CTNNA3: variants seen among roughly 807,000 people sequenced by gnomAD.
CTNNA3 encodes catenin alpha 3, also known as catenin alpha-3.
A neutral mutation model predicts 95.7 loss-of-function variants in CTNNA3; 76 were observed. The observed-to-expected ratio is 0.79, with a 90% CI of 0.66 to 0.96. The LOEUF is 0.96. Among genes scored for constraint, CTNNA3 ranks in the 40% least tolerant of loss-of-function variants. The pLI is 0.00. For synonymous variants in CTNNA3, 431 were observed against 374.4 expected (o/e 1.15, Z -1.74); for missense variants, 1,191 against 1,089.8 (o/e 1.09, Z -1.31).
intron 13 of CTNNA3, among the ~76,000 whole-genome samples, chr10:66,244,501 G>C (rs1273536706): frequency 6.6e-6 from 1 of 152,174 alleles, no homozygotes; most frequent in Non-Finnish European, 1.5e-5. Context: ...TGTGGCCACA[G>C]TGGGGCCCTG....
At chr10:66,532,039 A>T (rs1841483292) in intron 10 of CTNNA3, among the ~76,000 whole-genome samples, 1 of 152,188 alleles carries the variant, frequency 6.6e-6, no homozygotes, top group South Asian at 2.1e-4. Flanking sequence ...AAGGACTTTT[A>T]TGTCAGAAAC....
chr10:66,990,952 T>C (rs985055183), intron 7 of CTNNA3, among the ~76,000 whole-genome samples: 2 of 152,174 alleles, frequency 1.3e-5, no homozygotes, highest in Admixed American at 1.3e-4. Flanking sequence ...CCTATGAACA[T>C]TTAACAGTTT....
intron 12 of CTNNA3, among the ~76,000 whole-genome samples, chr10:66,311,855 T>C (rs4509652): frequency 0.65 from 99,237 of 151,956 alleles, 32,525 homozygotes; most frequent in East Asian, 0.76. Flanking sequence ...TAACTTCTCC[T>C]ATCTCCTGAC....
chr10:66,398,756 T>A (rs1281710102), intron 11 of CTNNA3, among the ~76,000 whole-genome samples: 3 of 151,964 alleles, frequency 2.0e-5, no homozygotes, highest in African/African-American at 7.2e-5. Flanking sequence ...AGATATGAAA[T>A]TTCTTTTAAA....
intron 10 of CTNNA3, among the ~76,000 whole-genome samples, chr10:66,547,013 T>A (rs578117735): frequency 6.6e-6 from 1 of 152,310 alleles, no homozygotes. Flanking sequence ...TTGCTCTCTC[T>A]AGTTGTCCAT....
At chr10:67,443,532 T>C (rs1425987354) in intron 5 of CTNNA3, among the ~76,000 whole-genome samples, 1 of 152,198 alleles carries the variant, frequency 6.6e-6, no homozygotes, top group Non-Finnish European at 1.5e-5. Context: ...TGATTTGCAT[T>C]TCTCTGATGG....
intron 5 of CTNNA3, among the ~76,000 whole-genome samples, chr10:67,277,674 C>T (rs917789580): frequency 5.3e-5 from 8 of 152,088 alleles, no homozygotes; most frequent in Non-Finnish European, 1.2e-4. Context: ...GTAAAGAAGC[C>T]GGCCAAAACC....
chr10:67,699,636 G>A (rs1187382106), upstream of CTNNA3, among the ~76,000 whole-genome samples: 1 of 152,208 alleles, frequency 6.6e-6, no homozygotes, highest in African/African-American at 2.4e-5. Context: ...GAAAAGAGAA[G>A]GTGGAGCCAA....
intron 7 of CTNNA3, among the ~76,000 whole-genome samples, chr10:67,083,505 T>C (rs1040681288): frequency 6.6e-6 from 1 of 152,192 alleles, no homozygotes; most frequent in African/African-American, 2.4e-5. Context: ...ATTTCAACAA[T>C]GTGCTAATTT....
intron 10 of CTNNA3, among the ~76,000 whole-genome samples, chr10:66,608,719 G>C (rs1844221133): frequency 6.6e-6 from 1 of 152,120 alleles, no homozygotes; most frequent in African/African-American, 2.4e-5. Context: ...ATGGTGCTGA[G>C]ATAACTGGCT....
chr10:66,083,687 T>G (rs1318084661), intron 14 of CTNNA3, among the ~76,000 whole-genome samples: 1 of 152,166 alleles, frequency 6.6e-6, no homozygotes, highest in African/African-American at 2.4e-5. Flanking sequence ...CTATGTATTG[T>G]GGAAACCATC....
intron 5 of CTNNA3, among the ~76,000 whole-genome samples, chr10:67,460,836 T>C (rs994120027): frequency 6.6e-6 from 1 of 152,112 alleles, no homozygotes; most frequent in Non-Finnish European, 1.5e-5. Flanking sequence ...ATATATTGTG[T>C]CCAGGTTAGA....
chr10:67,592,894 G>A (rs1842830544), intron 3 of CTNNA3, among the ~76,000 whole-genome samples: 1 of 152,006 alleles, frequency 6.6e-6, no homozygotes, highest in African/African-American at 2.4e-5. Context: ...ACTGGGTTTG[G>A]GGTACAAATT....
intron 13 of CTNNA3, among the ~76,000 whole-genome samples, chr10:66,158,507 G>A (rs1231310955): frequency 2.0e-5 from 3 of 152,010 alleles, no homozygotes; most frequent in African/African-American, 7.2e-5. Context: ...ATTGGCCTAT[G>A]TGCCTATTTT....
Position 65,920,242 on chromosome 10 carries a change from T to G in CTNNA3, c.*88A>C. 8.5e-7 allele frequency: 1 copy of G among 1,176,716 alleles called. No individual in the cohort carries two copies. Among genetic ancestry groups the G allele is most frequent in the East Asian group, 2.4e-5 (1 of 42,418 alleles). The allele number at this position is 1,176,716 out of a possible 1,614,324, so 72.9% of individuals were successfully genotyped here. A position where few individuals can be genotyped will look rare whatever the true frequency, so the allele number is the denominator to read the frequency against. On this transcript the variant is annotated 3_prime_UTR_variant, in exon 18 of 18. Coordinates refer to ENST00000433211, the MANE Select transcript of CTNNA3 (RefSeq NM_013266.4). ...TTGTGAGTTAAACACCAAAACTTAG[T>G]GAAATTACAGAACTTCTTAAGTGTA...
At chr10:67,440,367 C>T (rs1255890018) in intron 5 of CTNNA3, among the ~76,000 whole-genome samples, 2 of 151,910 alleles carry the variant, frequency 1.3e-5, no homozygotes, top group Non-Finnish European at 2.9e-5. Flanking sequence ...TACTAGAATC[C>T]CTGGCTCCTA....
intron 13 of CTNNA3, among the ~76,000 whole-genome samples, chr10:66,200,129 A>G (rs2087299808): frequency 6.6e-6 from 1 of 151,248 alleles, no homozygotes; most frequent in South Asian, 2.1e-4. Flanking sequence ...ACATACACAC[A>G]CACACTCATA....
chr10:66,213,516 T>C (rs1379820553), intron 13 of CTNNA3, among the ~76,000 whole-genome samples: 1 of 152,204 alleles, frequency 6.6e-6, no homozygotes, highest in Non-Finnish European at 1.5e-5. Flanking sequence ...TGATCTCCAG[T>C]ATATTTTCAT....
chr10:66,343,535 C>T (rs2092474421), intron 12 of CTNNA3, among the ~76,000 whole-genome samples: 1 of 151,694 alleles, frequency 6.6e-6, no homozygotes, highest in Non-Finnish European at 1.5e-5. Flanking sequence ...AAAAGTTGAT[C>T]TCATAGAAGT....
Sources: gnomAD v4.1 joint callset for allele counts (sites outside exome capture counted in the v4.1 genomes callset) on GRCh38, gnomAD v4.1.1 for gene constraint, MANE v1.5 for transcripts, NCBI Gene and HGNC (gene_info 2026-07-23, HGNC 2026-07-21) for gene names.